The following NEURL1 variants were observed in gnomAD, a reference collection of about 807,000 sequenced individuals.
NEURL1 encodes neuralized E3 ubiquitin protein ligase 1.
In NEURL1, 26 loss-of-function variants were observed where a neutral mutation model predicts 41.2. That is an observed-to-expected ratio of 0.63 (90% CI 0.46 to 0.87). The LOEUF (loss-of-function observed/expected upper bound fraction) is 0.87. Among genes scored for constraint, NEURL1 ranks in the 40% least tolerant of loss-of-function variants. The pLI, the probability that NEURL1 is intolerant of heterozygous loss-of-function variation, is 0.00. For missense variants in NEURL1, 761 were observed against 871.1 expected (o/e 0.87, Z 1.59); for synonymous variants, 400 against 402.3 (o/e 0.99, Z 0.07).
At chr10:103,522,515 T>A (rs1188056010) in intron 1 of NEURL1, among the ~76,000 whole-genome samples, 4 of 142,410 alleles carry the variant, frequency 2.8e-5, no homozygotes, top group Non-Finnish European at 6.0e-5. Context: ...CTCGGGAGAG[T>A]CACTTGAACC....
intron 3 of NEURL1, among the ~76,000 whole-genome samples, chr10:103,581,941 G>A (rs2035790908): frequency 1.3e-5 from 2 of 152,196 alleles, no homozygotes; most frequent in East Asian, 1.9e-4. Flanking sequence ...GGAACAGGTT[G>A]CCTGGAAGTT....
chr10:103,572,939 A>G (rs1030503293), intron 3 of NEURL1, among the ~76,000 whole-genome samples: 12 of 150,950 alleles, frequency 7.9e-5, no homozygotes, highest in Admixed American at 7.9e-4. Flanking sequence ...TTCGTCTCCC[A>G]TCTCTACCCG....
intron 1 of NEURL1, among the ~76,000 whole-genome samples, chr10:103,528,457 C>T (rs902318746): frequency 6.6e-6 from 1 of 151,676 alleles, no homozygotes; most frequent in Non-Finnish European, 1.5e-5. Context: ...ATCGCTTGAA[C>T]CCGGGAGGCG....
At chr10:103,584,474 G>T (rs1025087222) in intron 3 of NEURL1, 62 bp from the exon 4 acceptor site, 39 of 1,147,536 alleles carry the variant, frequency 3.4e-5, no homozygotes, top group Non-Finnish European at 3.6e-5. Flanking sequence ...ACCGGACAGC[G>T]GGGCGCGCCG....
At chr10:103,519,228 CAG>C (rs534500003) in intron 1 of NEURL1, among the ~76,000 whole-genome samples, 18 of 151,938 alleles carry the variant, frequency 1.2e-4, no homozygotes, top group Admixed American at 5.2e-4. Context: ...GCCTAGGCAA[CAG>C]AGCAAGACTC....
At chr10:103,539,077 G>A (rs1183161057) in intron 1 of NEURL1, among the ~76,000 whole-genome samples, 1 of 151,946 alleles carries the variant, frequency 6.6e-6, no homozygotes, top group Non-Finnish European at 1.5e-5. Flanking sequence ...CTCCTGAGAA[G>A]CTGGGACTAC....
intron 3 of NEURL1, among the ~76,000 whole-genome samples, chr10:103,583,963 G>A (rs141766156): frequency 2.3e-3 from 344 of 152,168 alleles, no homozygotes; most frequent in Non-Finnish European, 4.3e-3. Flanking sequence ...AGGGTATCTT[G>A]GATAGATCTA....
At chr10:103,499,992 T>C (rs1262678652) in intron 1 of NEURL1, among the ~76,000 whole-genome samples, 2 of 152,150 alleles carry the variant, frequency 1.3e-5, no homozygotes, top group African/African-American at 2.4e-5. Context: ...TTCCCTCAGC[T>C]CTTGTCTGGG....
chr10:103,541,262 T>C (rs1430376363), intron 1 of NEURL1, among the ~76,000 whole-genome samples: 1 of 152,012 alleles, frequency 6.6e-6, no homozygotes, highest in African/African-American at 2.4e-5. Context: ...CATACATACA[T>C]ACATGCCTAC....
chr10:103,500,860 G>A (rs975702081), intron 1 of NEURL1, among the ~76,000 whole-genome samples: 12 of 152,226 alleles, frequency 7.9e-5, no homozygotes, highest in Non-Finnish European at 8.8e-5. Context: ...TCAAACCTGC[G>A]TGTTTAACAG....
intron 1 of NEURL1, among the ~76,000 whole-genome samples, chr10:103,527,897 TTAGAG>T (rs1348269166): frequency 6.6e-6 from 1 of 152,162 alleles, no homozygotes; most frequent in Non-Finnish European, 1.5e-5. Flanking sequence ...TCTCTTGTAT[TTAGAG>T]TAGAGAGGAG....
intron 3 of NEURL1, among the ~76,000 whole-genome samples, chr10:103,579,420 C>G (rs946707549): frequency 6.6e-6 from 1 of 152,162 alleles, no homozygotes; most frequent in Non-Finnish European, 1.5e-5. Flanking sequence ...AGGAGGGTAT[C>G]TGGGATACAT....
intron 1 of NEURL1, among the ~76,000 whole-genome samples, chr10:103,535,118 G>A (rs2034663529): frequency 6.6e-6 from 1 of 152,136 alleles, no homozygotes; most frequent in African/African-American, 2.4e-5. Flanking sequence ...GGGATTGTGG[G>A]GCTTGGCAAT....
At position 103,590,380 on chromosome 10, in the gene NEURL1, C is replaced by G; in HGVS notation, c.*8C>G. 1 of 1,607,978 alleles carries G rather than the reference C, an allele frequency of 6.2e-7. No homozygotes were observed. Among genetic ancestry groups the G allele is most frequent in the Non-Finnish European group, 8.5e-7 (1 of 1,174,864 alleles). ...ACCTACCGCAGCTCCTAGCCCGTTG[C>G]GGTGGCCCATCCCGCATACCCATCT... On this transcript the variant is annotated 3_prime_UTR_variant, in exon 6 of 6. Transcript: ENST00000369780.
intron 1 of NEURL1, among the ~76,000 whole-genome samples, chr10:103,548,492 TTTGTATTTTTAGTAGAGACAGGG>T (rs1196061475): frequency 6.6e-6 from 1 of 152,056 alleles, no homozygotes; most frequent in Non-Finnish European, 1.5e-5. Context: ...CTGGCTAATT[TTTGTATTTTTAGTAGAGACAGGG>T]TTTCATCATG....
At position 103,584,746 on chromosome 10, in the gene NEURL1, C is replaced by A. The variant is rs1191556438; in HGVS notation, c.860C>A (p.Pro287Gln). The A allele has an allele frequency of 6.9e-6, 10 of 1,451,500 alleles. No homozygotes were observed. The highest frequency in any genetic ancestry group is 1.3e-5 in the South Asian group (1 of 75,268). The allele number at this position is 1,451,500 out of a possible 1,614,324, so 89.9% of individuals were successfully genotyped here. A position where few individuals can be genotyped will look rare whatever the true frequency, so the allele number is the denominator to read the frequency against. Residue 287 changes from proline (P) to glutamine (Q), a missense_variant, in exon 4 of 6, where the codon CCG (proline) becomes CAG (glutamine). Coordinates refer to ENST00000369780, the MANE Select transcript of NEURL1 (RefSeq NM_004210.5). ...AACTCGCAGCACAGCCGCGCGCTGCCGGCGCAGCTCGACGGCGACCTGCGT... is the reference window on the plus strand; with the variant it reads ...AACTCGCAGCACAGCCGCGCGCTGCAGGCGCAGCTCGACGGCGACCTGCGT... ...SLNSQHSRAL[P>Q]AQLDGDLRFH...
At chr10:103,547,169 T>C (rs1243662578) in intron 1 of NEURL1, among the ~76,000 whole-genome samples, 1 of 152,244 alleles carries the variant, frequency 6.6e-6, no homozygotes, top group Non-Finnish European at 1.5e-5. Context: ...ACTTAGTAGA[T>C]GTTAGAACCA....
At chr10:103,560,715 A>G (rs2035273609) in intron 1 of NEURL1, among the ~76,000 whole-genome samples, 1 of 152,142 alleles carries the variant, frequency 6.6e-6, no homozygotes, top group Non-Finnish European at 1.5e-5. Context: ...GGGACTGAGC[A>G]TGCCAGTTAG....
At chr10:103,547,897 C>G (rs116445883) in intron 1 of NEURL1, among the ~76,000 whole-genome samples, 1 of 152,146 alleles carries the variant, frequency 6.6e-6, no homozygotes, top group African/African-American at 2.4e-5. Context: ...GCACATCCCG[C>G]GCTCATCCTG....
Sources: allele counts gnomAD v4.1 joint callset (sites outside exome capture counted in the v4.1 genomes callset), GRCh38; gene constraint gnomAD v4.1.1; transcripts MANE v1.5; gene names NCBI Gene and HGNC (gene_info 2026-07-23, HGNC 2026-07-21).